The following PHKB variants were observed in gnomAD, a reference collection of about 807,000 sequenced individuals.
PHKB encodes the protein phosphorylase kinase regulatory subunit beta, also known as phosphorylase b kinase regulatory subunit beta.
PHKB carries 122 observed loss-of-function variants against 152.1 expected under a neutral mutation model. That is an observed-to-expected ratio of 0.80 (90% CI 0.69 to 0.93). The LOEUF is 0.93. PHKB is among the 40% of genes least tolerant of loss of function. The pLI, the probability that PHKB is intolerant of heterozygous loss-of-function variation, is 0.00. For missense variants in PHKB, 1,304 were observed against 1,328.4 expected, an observed-to-expected ratio of 0.98 and a Z score of 0.29; for synonymous variants, 436 against 464.9, an observed-to-expected ratio of 0.94 and a Z score of 0.80.
At chr16:47,477,190 C>T (rs144937718) in intron 1 of PHKB, among the ~76,000 whole-genome samples, 2 of 152,232 alleles carry the variant, frequency 1.3e-5, no homozygotes, top group East Asian at 3.9e-4. Context: ...TACTGGTTCC[C>T]ATGACATTTT....
intron 6 of PHKB, among the ~76,000 whole-genome samples, chr16:47,517,236 G>A (rs1970612901): frequency 6.6e-6 from 1 of 151,538 alleles, no homozygotes; most frequent in Non-Finnish European, 1.5e-5. Context: ...GCTTACAAGT[G>A]GCTTTGTTTT....
At chr16:47,572,572 C>G (rs1971679870) in intron 7 of PHKB, among the ~76,000 whole-genome samples, 1 of 152,192 alleles carries the variant, frequency 6.6e-6, no homozygotes, top group Admixed American at 6.5e-5. Flanking sequence ...GGTCCCTACT[C>G]TTAGCTCCAG....
At chr16:47,493,950 C>G (rs1970191841) in intron 1 of PHKB, among the ~76,000 whole-genome samples, 1 of 152,158 alleles carries the variant, frequency 6.6e-6, no homozygotes, top group Non-Finnish European at 1.5e-5. Context: ...ACAAATGAAA[C>G]TCTTGCCTTT....
At position 47,499,905 on chromosome 16, in the gene PHKB, G is replaced by T. The variant is rs368293023; in HGVS notation, c.305+11G>T. The T allele has an allele frequency of 6.7e-5, 108 of 1,614,140 alleles. No individual in the cohort carries two copies. The African/African-American group carries it at 1.2e-3, about 18-fold the overall frequency. ...GGCTCTTGCATACAGGTGAGCTGGT[G>T]TGTGTTCTCCTCGTAACTTTGAGAG... On this transcript the variant is annotated intron_variant, in intron 3 of 30. Transcript: ENST00000323584.
chr16:47,503,627 G>A (rs1414057731), intron 4 of PHKB, among the ~76,000 whole-genome samples: 2 of 152,040 alleles, frequency 1.3e-5, no homozygotes, highest in Non-Finnish European at 1.5e-5. Flanking sequence ...TCAAGAGATC[G>A]AGACCATCCT....
At chr16:47,463,819 A>G in intron 1 of PHKB, 3 of 938,154 alleles carry the variant, frequency 3.2e-6, no homozygotes, top group East Asian at 4.9e-5. Flanking sequence ...GCATCATGTT[A>G]ATAACTGCTC....
chr16:47,561,379 T>C (rs1166917050), intron 7 of PHKB: 2 of 152,224 alleles, frequency 1.3e-5, no homozygotes, highest in African/African-American at 4.8e-5. Context: ...CTTCTGGCTA[T>C]TATCACAACT....
In PHKB at chr16:47,610,841, GTCC is replaced by G; in HGVS notation, c.1381_1383del (p.Pro461del). 6.2e-7 allele frequency: 1 copy of G among 1,602,394 alleles called. No homozygotes were observed. The highest frequency in any genetic ancestry group is 2.2e-5 in the East Asian group (1 of 44,806). Reference sequence around the variant, plus strand: ...TTTTTTTCAGCTGATGAACTTATTAGTCCTAAAGACATTGATCCTGTCCAGCGC... The same window carrying G: ...TTTTTTTCAGCTGATGAACTTATTAGTAAAGACATTGATCCTGTCCAGCGC... On this transcript the variant is annotated inframe_deletion, in exon 14 of 31. Transcript: ENST00000323584.
chr16:47,538,584 T>C (rs183121133), intron 6 of PHKB, among the ~76,000 whole-genome samples: 28 of 152,372 alleles, frequency 1.8e-4, no homozygotes, highest in Non-Finnish European at 3.2e-4. Flanking sequence ...CAAATGTCTC[T>C]GTTGGGGAGG....
intron 20 of PHKB, among the ~76,000 whole-genome samples, chr16:47,654,961 TAAATA>T (rs1036964444): frequency 1.3e-5 from 2 of 149,168 alleles, no homozygotes; most frequent in Admixed American, 6.6e-5. Context: ...AATAAAAAAA[TAAATA>T]AAGAAAAGAA....
chr16:47,536,923 A>G (rs1233291442), intron 6 of PHKB, among the ~76,000 whole-genome samples: 1 of 152,240 alleles, frequency 6.6e-6, no homozygotes, highest in African/African-American at 2.4e-5. Context: ...GGGCTGAAGG[A>G]AGATTCATAG....
rs1456253101 is a variant in PHKB at position 47,680,111 on chromosome 16, G to A, written c.2631-8930G>A. ...TGTTGAACCAGCCTTACATCTCAGGGATGAAGCCCACTTGATCATGGTTGA... is the reference window on the plus strand; with the variant it reads ...TGTTGAACCAGCCTTACATCTCAGGAATGAAGCCCACTTGATCATGGTTGA... On this transcript the variant is annotated intron_variant, in intron 26 of 30. Coordinates refer to ENST00000323584, the MANE Select transcript of PHKB (RefSeq NM_000293.3). Among the ~76,000 whole-genome samples, 9 of 152,174 alleles carry A rather than the reference G, an allele frequency of 5.9e-5. 1 individual carries two copies. Among genetic ancestry groups the A allele is most frequent in the Admixed American group, 5.9e-4 (9 of 15,272 alleles).
At chr16:47,536,765 T>C (rs1025777867) in intron 6 of PHKB, among the ~76,000 whole-genome samples, 1 of 152,030 alleles carries the variant, frequency 6.6e-6, no homozygotes, top group African/African-American at 2.4e-5. Flanking sequence ...CATTTTAGAA[T>C]TGCAAATAAG....
intron 7 of PHKB, among the ~76,000 whole-genome samples, chr16:47,560,007 C>T (rs1037274285): frequency 3.3e-5 from 5 of 152,182 alleles, no homozygotes; most frequent in African/African-American, 1.2e-4. Flanking sequence ...ATTTGTTTAA[C>T]CTGTGGAAGC....
chr16:47,461,882 T>C (rs3809676), intron 1 of PHKB, among the ~76,000 whole-genome samples: 48,812 of 152,110 alleles, frequency 0.32, 8,207 homozygotes, highest in Non-Finnish European at 0.38. Flanking sequence ...CTTTATGTCT[T>C]ATATCCCTTT....
intron 8 of PHKB, among the ~76,000 whole-genome samples, chr16:47,587,144 G>T (rs907506062): frequency 6.6e-6 from 1 of 152,118 alleles, no homozygotes; most frequent in African/African-American, 2.4e-5. Context: ...GACACATAAA[G>T]CATAGTGCCT....
chr16:47,698,672 C>A, intron 30 of PHKB, 84 bp downstream of exon 30: 1 of 1,121,044 alleles, frequency 8.9e-7, no homozygotes, highest in Non-Finnish European at 1.2e-6. Context: ...AATCTCTTTT[C>A]ATTTACTTTA....
At chr16:47,498,678 A>G (rs1970273335) in intron 2 of PHKB, among the ~76,000 whole-genome samples, 1 of 152,254 alleles carries the variant, frequency 6.6e-6, no homozygotes, top group African/African-American at 2.4e-5. Context: ...GCATGTGAGG[A>G]CTGCTTGAAC....
chr16:47,576,175 A>G (rs570117299), intron 7 of PHKB, among the ~76,000 whole-genome samples: 118 of 152,292 alleles, frequency 7.7e-4, no homozygotes, highest in Non-Finnish European at 1.4e-3. Context: ...TGCCCCTTAA[A>G]TTTTTATAGA....
Sources: allele counts gnomAD v4.1 joint callset (sites outside exome capture counted in the v4.1 genomes callset), GRCh38; gene constraint gnomAD v4.1.1; transcripts MANE v1.5; gene names NCBI Gene and HGNC (gene_info 2026-07-23, HGNC 2026-07-21).